SUPT3H: variants seen among roughly 807,000 people sequenced by gnomAD.
SUPT3H encodes SPT3 homolog, SAGA and STAGA complex component.
Under a neutral mutation model 44.3 loss-of-function variants are expected in SUPT3H, and 44 were observed. The observed-to-expected ratio is 0.99, with a 90% CI of 0.78 to 1.28. The LOEUF (loss-of-function observed/expected upper bound fraction) is 1.28. Among genes scored for constraint, SUPT3H ranks in the 50% most tolerant of loss-of-function variants. The pLI is 0.00. For synonymous variants in SUPT3H, 124 were observed against 125.6 expected, an observed-to-expected ratio of 0.99 and a Z score of 0.09; for missense variants, 380 against 387.1, an observed-to-expected ratio of 0.98 and a Z score of 0.15.
At chr6:45,019,535 C>T (rs1409466374) in intron 4 of SUPT3H, among the ~76,000 whole-genome samples, 6 of 151,722 alleles carry the variant, frequency 4.0e-5, no homozygotes, top group Admixed American at 1.3e-4. Context: ...ACTGATAATC[C>T]TTTGTAGCTT....
At chr6:44,859,004 C>T (rs1774180755) in intron 10 of SUPT3H, among the ~76,000 whole-genome samples, 1 of 152,176 alleles carries the variant, frequency 6.6e-6, no homozygotes, top group South Asian at 2.1e-4. Flanking sequence ...GTTCCCAGCA[C>T]TTCTGGAATA....
At chr6:45,355,809 A>C (rs1168042136) in intron 2 of SUPT3H, among the ~76,000 whole-genome samples, 1 of 152,206 alleles carries the variant, frequency 6.6e-6, no homozygotes, top group African/African-American at 2.4e-5. Flanking sequence ...TTGTATTCCA[A>C]GTCTGAATGT....
chr6:45,018,034 T>A (rs1368403166), intron 4 of SUPT3H, among the ~76,000 whole-genome samples: 1 of 152,098 alleles, frequency 6.6e-6, no homozygotes, highest in Non-Finnish European at 1.5e-5. Flanking sequence ...AGCAATGGTT[T>A]GTAGTTCTCC....
intron 2 of SUPT3H, among the ~76,000 whole-genome samples, chr6:45,155,136 T>C (rs1807608221): frequency 6.6e-6 from 1 of 152,180 alleles, no homozygotes; most frequent in Admixed American, 6.6e-5. Context: ...CTATTTCAAA[T>C]ATATATGTTG....
intron 6 of SUPT3H, among the ~76,000 whole-genome samples, chr6:44,968,708 C>T (rs535106733): frequency 1.3e-5 from 2 of 152,216 alleles, no homozygotes; most frequent in Middle Eastern, 3.4e-3. Flanking sequence ...TAAATAAAAA[C>T]ATGGAGAAAA....
intron 2 of SUPT3H, among the ~76,000 whole-genome samples, chr6:45,190,201 T>G (rs1814897743): frequency 6.6e-6 from 1 of 152,098 alleles, no homozygotes; most frequent in Non-Finnish European, 1.5e-5. Flanking sequence ...ATGAAATATT[T>G]CCCAAAAAAT....
chr6:45,113,402 A>C (rs186941375), intron 2 of SUPT3H, among the ~76,000 whole-genome samples: 1 of 152,344 alleles, frequency 6.6e-6, no homozygotes, highest in East Asian at 1.9e-4. Context: ...GGAAAGTTAT[A>C]AACACTACAA....
At chr6:45,353,839 G>A (rs938064200) in intron 2 of SUPT3H, among the ~76,000 whole-genome samples, 30 of 150,958 alleles carry the variant, frequency 2.0e-4, no homozygotes, top group Non-Finnish European at 3.2e-4. Flanking sequence ...AGGTGCTGGC[G>A]GGGAAAATAG....
chr6:44,850,745 C>CT lies in SUPT3H; in HGVS notation c.913-20889_913-20888insA, dbSNP rs1772733791. ...CTTATTTTGCTTTTGGTTTTATATA[C>CT]ATCTATCTATCTATCTATCTATCTA... On this transcript the variant is annotated intron_variant, in intron 10 of 10. Coordinates refer to ENST00000371459, the MANE Select transcript of SUPT3H (RefSeq NM_003599.4). Among the ~76,000 whole-genome samples, 324 of 147,554 alleles carry CT rather than the reference C, an allele frequency of 2.2e-3. 1 individual carries two copies. Among genetic ancestry groups the CT allele is most frequent in the African/African-American group, 7.6e-3 (304 of 39,788 alleles).
intron 2 of SUPT3H, among the ~76,000 whole-genome samples, chr6:45,208,378 A>C (rs1018057787): frequency 2.6e-5 from 4 of 152,224 alleles, no homozygotes; most frequent in African/African-American, 9.6e-5. Flanking sequence ...TAGAAGCTGT[A>C]GCAACTTAAC....
intron 3 of SUPT3H, among the ~76,000 whole-genome samples, chr6:45,096,236 A>T (rs1797765320): frequency 6.6e-6 from 1 of 152,164 alleles, no homozygotes; most frequent in South Asian, 2.1e-4. Flanking sequence ...TATAGCCTGT[A>T]AATATGTCAA....
In SUPT3H at chr6:44,851,010, T is replaced by A. The variant is rs562281004; in HGVS notation, c.913-21153A>T. ...TTTGGGAGCTCAAGGTCTAATGACATGGCTGTGACCTCTGACAGATGGTGT... is the reference window on the plus strand; with the variant it reads ...TTTGGGAGCTCAAGGTCTAATGACAAGGCTGTGACCTCTGACAGATGGTGT... On this transcript the variant is annotated intron_variant, in intron 10 of 10. Coordinates refer to ENST00000371459, the MANE Select transcript of SUPT3H (RefSeq NM_003599.4). 5.9e-5 allele frequency among the ~76,000 whole-genome samples: 9 copies of A among 152,304 alleles called. No individual in the cohort carries two copies. The East Asian group carries it at 1.7e-3, about 29-fold the overall frequency.
At chr6:45,351,175 G>A (rs970258088) in intron 2 of SUPT3H, among the ~76,000 whole-genome samples, 1 of 151,974 alleles carries the variant, frequency 6.6e-6, no homozygotes, top group African/African-American at 2.4e-5. Context: ...TGTAATAGCT[G>A]GTCACAGAAA....
chr6:45,082,717 G>T (rs1177917712), intron 3 of SUPT3H, among the ~76,000 whole-genome samples: 1 of 152,094 alleles, frequency 6.6e-6, no homozygotes, highest in African/African-American at 2.4e-5. Context: ...TAGGAACAAA[G>T]TATGGATGCT....
intron 10 of SUPT3H, among the ~76,000 whole-genome samples, chr6:44,904,386 G>C (rs1266757733): frequency 1.3e-5 from 2 of 152,092 alleles, no homozygotes; most frequent in Non-Finnish European, 1.5e-5. Context: ...CAGACAAACA[G>C]AGAGCCAAAT....
At chr6:44,836,224 G>C (rs991799162) in intron 10 of SUPT3H, among the ~76,000 whole-genome samples, 1 of 152,098 alleles carries the variant, frequency 6.6e-6, no homozygotes, top group Non-Finnish European at 1.5e-5. Flanking sequence ...ACCATGCCAT[G>C]TGACTTTTCT....
chr6:44,855,974 G>A, intron 10 of SUPT3H, among the ~76,000 whole-genome samples: 1 of 152,144 alleles, frequency 6.6e-6, no homozygotes, highest in East Asian at 1.9e-4. Flanking sequence ...AGCCTTTGCT[G>A]AATCTGCTAC....
At chr6:44,976,364 CT>C (rs34713610) in intron 6 of SUPT3H, among the ~76,000 whole-genome samples, 18,392 of 147,208 alleles carry the variant, frequency 0.12, 1,412 homozygotes, top group East Asian at 0.27. Flanking sequence ...AAATTAATGT[CT>C]TTTTTTTTTT....
intron 2 of SUPT3H, among the ~76,000 whole-genome samples, chr6:45,155,992 C>T (rs1807753588): frequency 6.6e-6 from 1 of 152,064 alleles, no homozygotes; most frequent in South Asian, 2.1e-4. Context: ...TAAAGCCAAA[C>T]TCATTACCTC....
Sources: allele counts gnomAD v4.1 joint callset (sites outside exome capture counted in the v4.1 genomes callset), GRCh38; gene constraint gnomAD v4.1.1; transcripts MANE v1.5; gene names NCBI Gene and HGNC (gene_info 2026-07-23, HGNC 2026-07-21).